Variants in DPP10 observed in about 807,000 individuals in gnomAD.
The protein encoded by DPP10 is inactive dipeptidyl peptidase 10.
A neutral mutation model predicts 120.9 loss-of-function variants in DPP10; 33 were observed. The observed-to-expected ratio is 0.27, with a 90% CI of 0.21 to 0.37. DPP10 has a LOEUF of 0.37. Ranked by LOEUF, DPP10 falls within the 10% of genes least tolerant of loss-of-function variation. The pLI is 1.00. For missense variants in DPP10, 816 were observed against 942.8 expected, an observed-to-expected ratio of 0.87 and a Z score of 1.76; for synonymous variants, 337 against 326.1, an observed-to-expected ratio of 1.03 and a Z score of -0.36.
At chr2:115,337,393 C>G (rs2063203587) in intron 2 of DPP10, among the ~76,000 whole-genome samples, 1 of 151,798 alleles carries the variant, frequency 6.6e-6, no homozygotes, top group Non-Finnish European at 1.5e-5. Flanking sequence ...GCTATTAATA[C>G]ATTATTAAAG....
chr2:115,802,092 T>G (rs894895480), intron 19 of DPP10, among the ~76,000 whole-genome samples: 10 of 152,190 alleles, frequency 6.6e-5, no homozygotes, highest in African/African-American at 2.4e-4. Context: ...AAGCTATTAA[T>G]TATTGCTCCA....
At chr2:115,670,838 G>T (rs947408693) in intron 5 of DPP10, among the ~76,000 whole-genome samples, 1 of 152,034 alleles carries the variant, frequency 6.6e-6, no homozygotes, top group Non-Finnish European at 1.5e-5. Flanking sequence ...TAGATTAAAA[G>T]GCATCTCCCT....
chr2:114,737,121 T>A (rs1677520491), intron 1 of DPP10, among the ~76,000 whole-genome samples: 1 of 152,190 alleles, frequency 6.6e-6, no homozygotes, highest in Non-Finnish European at 1.5e-5. Context: ...ACAAAAGAAA[T>A]TCTTAACGTT....
At chr2:114,513,284 A>G (rs1433656877) in intron 1 of DPP10, among the ~76,000 whole-genome samples, 1 of 152,136 alleles carries the variant, frequency 6.6e-6, no homozygotes, top group Non-Finnish European at 1.5e-5. Context: ...GCACTTTGGG[A>G]GGCCGAGGCA....
intron 1 of DPP10, among the ~76,000 whole-genome samples, chr2:114,954,287 G>C (rs1698038020): frequency 6.6e-6 from 1 of 151,948 alleles, no homozygotes. Flanking sequence ...GTTTCACCGT[G>C]TTAGCCAGGA....
intron 3 of DPP10, among the ~76,000 whole-genome samples, chr2:115,472,703 T>A (rs1244126831): frequency 6.6e-6 from 1 of 152,202 alleles, no homozygotes; most frequent in Non-Finnish European, 1.5e-5. Context: ...GTGAAGAATG[T>A]GCTATTCATT....
intron 5 of DPP10, among the ~76,000 whole-genome samples, chr2:115,634,944 C>G (rs2086198081): frequency 6.6e-6 from 1 of 151,974 alleles, no homozygotes; most frequent in East Asian, 1.9e-4. Flanking sequence ...GAGGGCTTGC[C>G]TAGGGAAATG....
intron 3 of DPP10, among the ~76,000 whole-genome samples, chr2:115,410,637 A>G (rs1425505309): frequency 1.3e-5 from 2 of 152,194 alleles, no homozygotes; most frequent in Non-Finnish European, 2.9e-5. Context: ...GAAAAAGACA[A>G]AAAGAATGAT....
intron 1 of DPP10, among the ~76,000 whole-genome samples, chr2:114,645,798 T>C (rs912402439): frequency 1.3e-5 from 2 of 152,108 alleles, no homozygotes; most frequent in Admixed American, 6.6e-5. Context: ...TTCTAACTTG[T>C]ATGGCACCTG....
chr2:115,019,844 G>A (rs1350330033), intron 1 of DPP10, among the ~76,000 whole-genome samples: 1 of 152,222 alleles, frequency 6.6e-6, no homozygotes, highest in South Asian at 2.1e-4. Flanking sequence ...AGCTAGAAGG[G>A]ACCTGGGTCC....
rs1289350820 is a variant in DPP10 at position 114,777,697 on chromosome 2, TATGA to T, written c.60+334861_60+334864del. On this transcript the variant is annotated intron_variant, in intron 1 of 25. Coordinates refer to ENST00000410059, the MANE Select transcript of DPP10 (RefSeq NM_020868.6). ...TCTCAAAGCTTCTATCAGTAATAGA[TATGA>T]AGCCCAAAGCAGTAAATGTTTAAAT... is the stretch of plus-strand genomic sequence containing the variant. Among the ~76,000 whole-genome samples, 7 of 152,112 alleles carry T rather than the reference TATGA, an allele frequency of 4.6e-5. No individual in the cohort carries two copies. In the East Asian group the frequency reaches 1.3e-3, roughly 29 times the overall value.
chr2:114,746,087 C>T (rs1259444749), intron 1 of DPP10, among the ~76,000 whole-genome samples: 1 of 152,170 alleles, frequency 6.6e-6, no homozygotes, highest in East Asian at 1.9e-4. Context: ...TTTTGTCTCT[C>T]CTTTTCTTTA....
At chr2:115,368,252 C>T (rs2065194489) in intron 3 of DPP10, among the ~76,000 whole-genome samples, 1 of 152,182 alleles carries the variant, frequency 6.6e-6, no homozygotes, top group South Asian at 2.1e-4. Flanking sequence ...AGCCTGGGGA[C>T]AGGAAGTCTA....
At chr2:114,515,426 A>C (rs1684514891) in intron 1 of DPP10, among the ~76,000 whole-genome samples, 1 of 152,204 alleles carries the variant, frequency 6.6e-6, no homozygotes, top group Non-Finnish European at 1.5e-5. Flanking sequence ...AAAGACATGA[A>C]GCTTACTGAA....
chr2:114,920,483 A>G (rs1695122471), intron 1 of DPP10, among the ~76,000 whole-genome samples: 1 of 152,214 alleles, frequency 6.6e-6, no homozygotes, highest in Non-Finnish European at 1.5e-5. Flanking sequence ...TGGAATTCTA[A>G]TCTTTCAGAC....
At chr2:114,992,294 G>C (rs988359838) in intron 1 of DPP10, among the ~76,000 whole-genome samples, 4 of 152,158 alleles carry the variant, frequency 2.6e-5, no homozygotes, top group Non-Finnish European at 4.4e-5. Flanking sequence ...CTTACTTACA[G>C]TTAATAAAAT....
chr2:115,200,400 C>G (rs1034543409), intron 1 of DPP10, among the ~76,000 whole-genome samples: 24 of 151,846 alleles, frequency 1.6e-4, no homozygotes, highest in Non-Finnish European at 2.4e-4. Context: ...TTTTTTTTCC[C>G]CCAAAGTCAT....
In DPP10 at chr2:115,727,881, A is replaced by G. The variant is rs1385805831; in HGVS notation, c.642A>G (p.Thr214=). 2 of 1,607,102 alleles carry G rather than the reference A, an allele frequency of 1.2e-6. No homozygotes were observed. Among genetic ancestry groups the G allele is most frequent in the Non-Finnish European group, 8.5e-7 (1 of 1,176,896 alleles). ...TAAAGAGCAGTTCATTGCGACTGAC[A>G]TCTTCTGGAAAAGAAGAAATAATTT... The part of the protein sequence containing the change: ...PDIKSSSLRL[T]SSGKEEIIFN... Residue 214 remains threonine, a synonymous_variant, in exon 8 of 26, where the codon ACA becomes ACG. Coordinates refer to ENST00000410059, the MANE Select transcript of DPP10 (RefSeq NM_020868.6).
chr2:115,637,624 A>G lies in DPP10; in HGVS notation c.442-52063A>G, dbSNP rs571010781. ...AGAAACTTAGCAGCTCTCAATTATA[A>G]ATAAAAGTTATTTTATGATAATACT... On this transcript the variant is annotated intron_variant, in intron 5 of 25. Coordinates refer to ENST00000410059, the MANE Select transcript of DPP10 (RefSeq NM_020868.6). Among the ~76,000 whole-genome samples, 5 of 152,330 alleles carry G rather than the reference A, an allele frequency of 3.3e-5. No individual in the cohort carries two copies. The South Asian group carries it at 1.0e-3, about 32-fold the overall frequency.
Sources: allele counts gnomAD v4.1 joint callset (sites outside exome capture counted in the v4.1 genomes callset), GRCh38; gene constraint gnomAD v4.1.1; transcripts MANE v1.5; gene names NCBI Gene and HGNC (gene_info 2026-07-23, HGNC 2026-07-21).